Variants in PBX1 observed in about 807,000 individuals in gnomAD.
PBX1 encodes pre-B-cell leukemia transcription factor 1.
In PBX1, 6 loss-of-function variants were observed where a neutral mutation model predicts 53.4. The observed-to-expected ratio is 0.11, with a 90% CI of 0.06 to 0.22. The LOEUF (loss-of-function observed/expected upper bound fraction) is 0.22. Ranked by LOEUF, PBX1 falls within the 10% of genes least tolerant of loss-of-function variation. PBX1 has a pLI of 1.00. For missense variants in PBX1, 251 were observed against 551.4 expected (o/e 0.46, Z 5.46); for synonymous variants, 204 against 212.3 (o/e 0.96, Z 0.34).
chr1:164,594,407 G>T (rs923022685), intron 2 of PBX1, among the ~76,000 whole-genome samples: 1 of 152,060 alleles, frequency 6.6e-6, no homozygotes, highest in Non-Finnish European at 1.5e-5. Context: ...CGATTCTCCT[G>T]CCTCAGCTTA....
At chr1:164,750,388 G>A (rs917029861) in intron 2 of PBX1, among the ~76,000 whole-genome samples, 1 of 151,912 alleles carries the variant, frequency 6.6e-6, no homozygotes, top group African/African-American at 2.4e-5. Flanking sequence ...ACAGTATTTT[G>A]ACAGCTGCTT....
chr1:164,848,104 C>A lies in PBX1; in HGVS notation c.*1428C>A. The A allele has an allele frequency of 9.5e-7, 1 of 1,052,184 alleles. No individual in the cohort carries two copies. Among genetic ancestry groups the A allele is most frequent in the African/African-American group, 1.7e-5 (1 of 60,458 alleles). 65.2% of individuals were successfully genotyped at this position (1,052,184 alleles called of 1,614,324 possible). A position where few individuals can be genotyped will look rare whatever the true frequency, so the allele number is the denominator to read the frequency against. ...GGCTCATGTGAACTTTTGCTAGCTTCATTTGAGGACCTGAGAATCATGGGG... is the reference window on the plus strand; with the variant it reads ...GGCTCATGTGAACTTTTGCTAGCTTAATTTGAGGACCTGAGAATCATGGGG... On this transcript the variant is annotated 3_prime_UTR_variant, in exon 9 of 9. Transcript: ENST00000420696.
chr1:164,655,100 G>GTTTTTTTTTT (rs35954587), intron 2 of PBX1, among the ~76,000 whole-genome samples: 260 of 138,490 alleles, frequency 1.9e-3, no homozygotes, highest in African/African-American at 2.9e-3. Flanking sequence ...TCTGATGTGT[G>GTTTTTTTTTT]TTTTTTTTTT....
chr1:164,647,150 C>T (rs899146912), intron 2 of PBX1, among the ~76,000 whole-genome samples: 2 of 152,184 alleles, frequency 1.3e-5, no homozygotes, highest in African/African-American at 4.8e-5. Context: ...GAGAATAGAC[C>T]AATGCCTAGT....
intron 5 of PBX1, among the ~76,000 whole-genome samples, chr1:164,810,005 G>A (rs1428838628): frequency 1.3e-5 from 2 of 152,112 alleles, no homozygotes. Flanking sequence ...ACTTTGAAAA[G>A]CAATGTTCTA....
At chr1:164,884,666 A>G (rs12128036) in intron 2 of PBX1, 18,422 of 354,620 alleles carry the variant, frequency 0.052, 600 homozygotes, top group East Asian at 0.12. Context: ...ACACATACTG[A>G]CTTTTGAAGA....
Position 164,848,986 on chromosome 1 carries a change from C to T in PBX1, c.*2310C>T, listed in dbSNP as rs1157078579. On this transcript the variant is annotated 3_prime_UTR_variant, in exon 9 of 9. Transcript: ENST00000420696. ...TGTGTCTACTAACTTCAGCCCTAAT[C>T]AGAACAGATGCCTAGAAGGAGCATT... 8.8e-7 allele frequency: 1 copy of T among 1,130,870 alleles called. No individual in the cohort carries two copies. The highest frequency in any genetic ancestry group is 1.1e-6 in the Non-Finnish European group (1 of 921,016). The allele number at this position is 1,130,870 out of a possible 1,614,324, so 70.1% of individuals were successfully genotyped here.
At chr1:164,877,194 C>T (rs1479642902) in intron 2 of PBX1, among the ~76,000 whole-genome samples, 2 of 150,754 alleles carry the variant, frequency 1.3e-5, no homozygotes, top group African/African-American at 2.4e-5. Context: ...GTGAGAGAGC[C>T]AGGTTGGTCC....
intron 2 of PBX1, chr1:164,641,266 A>G (rs1287095322): frequency 6.5e-6 from 1 of 152,846 alleles, no homozygotes; most frequent in Non-Finnish European, 1.5e-5. Flanking sequence ...AGAAGGGGAG[A>G]GAAGAAGAGA....
At chr1:164,633,179 T>C (rs1455456193) in intron 2 of PBX1, among the ~76,000 whole-genome samples, 1 of 152,068 alleles carries the variant, frequency 6.6e-6, no homozygotes, top group Non-Finnish European at 1.5e-5. Context: ...AGATGGACTT[T>C]TGCTCTGTTG....
At chr1:164,817,888 G>A (rs1571464223) in intron 6 of PBX1, 1 of 152,160 alleles carries the variant, frequency 6.6e-6, no homozygotes, top group Admixed American at 6.5e-5. Flanking sequence ...TGGAACCAGT[G>A]GAATCTGGGT....
chr1:164,728,076 T>A (rs1375816443), intron 2 of PBX1, among the ~76,000 whole-genome samples: 1 of 152,066 alleles, frequency 6.6e-6, no homozygotes, highest in African/African-American at 2.4e-5. Context: ...TGTAATCCTA[T>A]CACTTTGGGA....
At chr1:164,670,714 T>G (rs1339034600) in intron 2 of PBX1, among the ~76,000 whole-genome samples, 2 of 151,826 alleles carry the variant, frequency 1.3e-5, no homozygotes, top group African/African-American at 2.4e-5. Context: ...GTACTGAGAA[T>G]AGCAGAGAGA....
intron 2 of PBX1, among the ~76,000 whole-genome samples, chr1:164,573,000 C>G (rs1422287306): frequency 6.6e-6 from 1 of 152,152 alleles, no homozygotes; most frequent in Admixed American, 6.6e-5. Context: ...TCCACACTTT[C>G]ACACCCCCCT....
rs1195492812 is a variant in PBX1 at position 164,807,468 on chromosome 1, T to C, written c.702-74T>C. On this transcript the variant is annotated intron_variant, in intron 4 of 8. Coordinates refer to ENST00000420696, the MANE Select transcript of PBX1 (RefSeq NM_002585.4). ...TCAAAAATTTGTCTTCTCCCAGAAG[T>C]AGATTTATTCTCTCCCATTTTATAT... The C allele has an allele frequency of 3.9e-6, 6 of 1,526,930 alleles. No homozygotes were observed. In the East Asian group the frequency reaches 1.4e-4, roughly 35 times the overall value. 94.6% of individuals were successfully genotyped at this position (1,526,930 alleles called of 1,614,324 possible).
chr1:164,587,630 T>A (rs891477239), intron 2 of PBX1, among the ~76,000 whole-genome samples: 1 of 152,060 alleles, frequency 6.6e-6, no homozygotes, highest in Non-Finnish European at 1.5e-5. Flanking sequence ...AAATGAGAAG[T>A]TTTAAATACA....
chr1:164,810,076 T>C (rs761671677), intron 5 of PBX1, among the ~76,000 whole-genome samples: 13 of 152,200 alleles, frequency 8.5e-5, no homozygotes, highest in Admixed American at 2.0e-4. Flanking sequence ...TCCATTTGAA[T>C]ACCTAATGGA....
chr1:164,782,440 G>C (rs1667980120), intron 2 of PBX1, among the ~76,000 whole-genome samples: 1 of 151,994 alleles, frequency 6.6e-6, no homozygotes, highest in South Asian at 2.1e-4. Flanking sequence ...ATTATCAGTG[G>C]TAGGTCTCGT....
At chr1:164,567,634 G>A (rs1653527338) in intron 2 of PBX1, among the ~76,000 whole-genome samples, 1 of 152,034 alleles carries the variant, frequency 6.6e-6, no homozygotes, top group African/African-American at 2.4e-5. Flanking sequence ...ATATAACTCT[G>A]ACAGACATAA....
Sources: gnomAD v4.1 joint callset for allele counts (sites outside exome capture counted in the v4.1 genomes callset) on GRCh38, gnomAD v4.1.1 for gene constraint, MANE v1.5 for transcripts, NCBI Gene and HGNC (gene_info 2026-07-23, HGNC 2026-07-21) for gene names.